Variants in OR51G2 observed in about 807,000 individuals in gnomAD.
OR51G2 encodes the protein olfactory receptor 51G2.
In OR51G2, 13 loss-of-function variants were observed where a neutral mutation model predicts 11.8. The ratio of observed to expected loss-of-function variants is 1.10; its 90% CI spans 0.72 to 1.76. The LOEUF (loss-of-function observed/expected upper bound fraction) is 1.76, where lower values mean the gene tolerates loss of function less well. OR51G2 is among the 40% of genes most tolerant of loss of function. The probability of loss-of-function intolerance (pLI) is 0.00; values close to 1 mark genes in which losing one functional copy is unlikely to be tolerated. For missense variants in OR51G2, 474 were observed against 394.4 expected, an observed-to-expected ratio of 1.20 and a Z score of -1.71; for synonymous variants, 178 against 151.9, an observed-to-expected ratio of 1.17 and a Z score of -1.26.
At position 4,914,157 on chromosome 11, in the gene OR51G2, G is replaced by T. The variant is rs1403695449; in HGVS notation, c.*562C>A. ...TCTGAGGATTCTCTACTCATTGGTG[G>T]TTAACACTGACTCAGCTAAGGTCTC... On this transcript the variant is annotated 3_prime_UTR_variant, in exon 2 of 2. Coordinates refer to ENST00000641926, the MANE Select transcript of OR51G2 (RefSeq NM_001005238.2). 1.3e-5 allele frequency: 2 copies of T among 152,414 alleles called. No homozygotes were observed. The highest frequency in any genetic ancestry group is 4.8e-5 in the African/African-American group (2 of 41,442). The allele number at this position is 152,414 out of a possible 1,614,324, so 9.4% of individuals were successfully genotyped here. A position where few individuals can be genotyped will look rare whatever the true frequency, so the allele number is the denominator to read the frequency against.
Position 4,914,790 on chromosome 11 carries a change from T to A in OR51G2, c.874A>T (p.Met292Leu), listed in dbSNP as rs1267510129. 2.5e-6 allele frequency: 4 copies of A among 1,613,774 alleles called. No individual in the cohort carries two copies. Among genetic ancestry groups the A allele is most frequent in the Non-Finnish European group, 2.5e-6 (3 of 1,179,976 alleles). ...GFMYLLFPPVMNPIVYSVKTK... is the reference protein window; with the variant it reads ...GFMYLLFPPVLNPIVYSVKTK... ...TTCACACTGTAGACAATGGGATTCATCACAGGAGGAAAGAGAAGATACATG... is the reference window on the plus strand; with the variant it reads ...TTCACACTGTAGACAATGGGATTCAACACAGGAGGAAAGAGAAGATACATG... Residue 292 changes from methionine (M) to leucine (L), a missense_variant, in exon 2 of 2, where the codon ATG (methionine) becomes TTG (leucine). Transcript: ENST00000641926.
In OR51G2 at chr11:4,919,189, G is replaced by A. The variant is rs1851144836; in HGVS notation, c.-89C>T. 6.6e-6 allele frequency: 1 copy of A among 152,224 alleles called. No homozygotes were observed. The highest frequency in any genetic ancestry group is 1.5e-5 in the Non-Finnish European group (1 of 68,082). 9.4% of individuals were successfully genotyped at this position (152,224 alleles called of 1,614,324 possible). On this transcript the variant is annotated 5_prime_UTR_variant, in exon 1 of 2. Coordinates refer to ENST00000641926, the MANE Select transcript of OR51G2 (RefSeq NM_001005238.2). ...CTGTAGCATTTACCATCCTTAGCAG[G>A]TGCTCTCTGCAGCCTTTTGGTAGAC... is the stretch of plus-strand genomic sequence containing the variant.
At position 4,915,588 on chromosome 11, in the gene OR51G2, C is replaced by G; in HGVS notation, c.76G>C (p.Glu26Gln). 6.2e-7 allele frequency: 1 copy of G among 1,614,068 alleles called. No homozygotes were observed. The highest frequency in any genetic ancestry group is 8.5e-7 in the Non-Finnish European group (1 of 1,180,008). Residue 26 changes from glutamate to glutamine, a missense_variant, in exon 2 of 2, where the codon GAG becomes CAG. By Grantham distance (29) the Glu-to-Gln change is conservative. Coordinates refer to ENST00000641926, the MANE Select transcript of OR51G2 (RefSeq NM_001005238.2). Reference protein sequence around the residue: ...TFLLSGIPGLERMHIWISIPL... With the variant: ...TFLLSGIPGLQRMHIWISIPL... ...ATGGAGATCCAGATGTGCATGCGCT[C>G]CAGCCCAGGGATGCCACTCAGCAGG...
At position 4,915,616 on chromosome 11, in the gene OR51G2, G is replaced by C. The variant is rs1439198402; in HGVS notation, c.48C>G (p.Thr16=). The C allele has an allele frequency of 3.1e-6, 5 of 1,613,848 alleles. No homozygotes were observed. The highest frequency in any genetic ancestry group is 2.7e-5 in the African/African-American group (2 of 74,926). Residue 16 remains threonine (T), a synonymous_variant, in exon 2 of 2, where the codon ACC becomes ACG. Transcript: ENST00000641926. ...LGNSSSSVSA[T]FLLSGIPGLE... Reference sequence around the variant, plus strand: ...GCCCAGGGATGCCACTCAGCAGGAAGGTAGCAGAAACGCTGCTGCTGCTGT... The same window carrying C: ...GCCCAGGGATGCCACTCAGCAGGAACGTAGCAGAAACGCTGCTGCTGCTGT...
chr11:4,914,896 G>T lies in OR51G2; in HGVS notation c.768C>A (p.Phe256Leu). The part of the protein sequence containing the change: ...CVSHICAVLL[F>L]YTPMIGLSVI... Reference sequence around the variant, plus strand: ...CAGAGAGGCCAATCATGGGAGTGTAGAAGAGCAGCACAGCACAGATGTGGG... The same window carrying T: ...CAGAGAGGCCAATCATGGGAGTGTATAAGAGCAGCACAGCACAGATGTGGG... Residue 256 changes from phenylalanine (F) to leucine (L), a missense_variant, in exon 2 of 2, where the codon TTC (phenylalanine) becomes TTA (leucine). Transcript: ENST00000641926. The T allele has an allele frequency of 6.2e-7, 1 of 1,614,128 alleles. No homozygotes were observed. Among genetic ancestry groups the T allele is most frequent in the South Asian group, 1.1e-5 (1 of 91,080 alleles).
Position 4,915,530 on chromosome 11 carries a change from G to A in OR51G2, c.134C>T (p.Pro45Leu), listed in dbSNP as rs1170596718. ...PLCFMYLVSI[P>L]GNCTILFIIK... Reference sequence around the variant, plus strand: ...GATAAAAAGAATTGTGCAGTTGCCCGGGATGGAAACCAGATACATGAAGCA... The same window carrying A: ...GATAAAAAGAATTGTGCAGTTGCCCAGGATGGAAACCAGATACATGAAGCA... Residue 45 changes from proline to leucine, a missense_variant, in exon 2 of 2, where the codon CCG becomes CTG. By Grantham distance (98) the Pro-to-Leu change is moderately conservative. Coordinates refer to ENST00000641926, the MANE Select transcript of OR51G2 (RefSeq NM_001005238.2). The A allele has an allele frequency of 8.1e-6, 13 of 1,613,960 alleles. No individual in the cohort carries two copies. Among genetic ancestry groups the A allele is most frequent in the South Asian group, 2.2e-5 (2 of 91,082 alleles).
At chr11:4,918,126 C>A (rs1353766424) in intron 1 of OR51G2, among the ~76,000 whole-genome samples, 3 of 151,910 alleles carry the variant, frequency 2.0e-5, no homozygotes, top group Non-Finnish European at 4.4e-5. Flanking sequence ...TCTCAATTTG[C>A]AAATGAGGAA....
chr11:4,918,763 A>T (rs1312960103), intron 1 of OR51G2, among the ~76,000 whole-genome samples: 7 of 152,180 alleles, frequency 4.6e-5, no homozygotes, highest in African/African-American at 7.2e-5. Context: ...GACTTGAGCA[A>T]GTTGAATGAC....
chr11:4,915,033 TAG>T lies in OR51G2; in HGVS notation c.629_630del (p.Ser210TyrfsTer28). On this transcript the variant is annotated frameshift_variant, in exon 2 of 2. Coordinates refer to ENST00000641926, the MANE Select transcript of OR51G2 (RefSeq NM_001005238.2). LOFTEE classifies it high-confidence loss of function. ...NSIYGMFVIV[S>X]TVGIDSLLIL... ...ATGAGCAGTGAGTCTATACCCACTG[TAG>T]AGACGATGACAAACATGCCGTAGAT... 1 of 1,613,936 alleles carries T rather than the reference TAG, an allele frequency of 6.2e-7. No individual in the cohort carries two copies. Among genetic ancestry groups the T allele is most frequent in the Non-Finnish European group, 8.5e-7 (1 of 1,179,994 alleles).
rs1046992476 is a variant in OR51G2 at position 4,914,337 on chromosome 11, AAG to A, written c.*380_*381del. 6.7e-3 allele frequency: 1,094 copies of A among 163,864 alleles called. No homozygotes were observed. The highest frequency in any genetic ancestry group is 0.018 in the South Asian group (105 of 5,980). 10.2% of individuals were successfully genotyped at this position (163,864 alleles called of 1,614,324 possible). A position where few individuals can be genotyped will look rare whatever the true frequency, so the allele number is the denominator to read the frequency against. ...AGAAACAGTGGTGGAATGGAGGTGG[AAG>A]AGAGAGAGAGAGAGAAGATACATGG... On this transcript the variant is annotated 3_prime_UTR_variant, in exon 2 of 2. Transcript: ENST00000641926.
At chr11:4,917,853 T>C (rs1194830688) in intron 1 of OR51G2, among the ~76,000 whole-genome samples, 1 of 152,068 alleles carries the variant, frequency 6.6e-6, no homozygotes, top group Non-Finnish European at 1.5e-5. Context: ...ATAATTACTA[T>C]TGTAAAAAAT....
rs899358988 is a variant in OR51G2, at chr11:4,912,888, A to G, written c.*1831T>C. 10 of 152,064 alleles carry G rather than the reference A, an allele frequency of 6.6e-5. No homozygotes were observed. The highest frequency in any genetic ancestry group is 4.6e-4 in the Admixed American group (7 of 15,254). The allele number at this position is 152,064 out of a possible 1,614,324, so 9.4% of individuals were successfully genotyped here. A position where few individuals can be genotyped will look rare whatever the true frequency, so the allele number is the denominator to read the frequency against. ...TACGTCTCACTTCTCTTACACAAAA[A>G]CCTCAGGACTATCATGTTGTCTAGC... On this transcript the variant is annotated 3_prime_UTR_variant, in exon 2 of 2. Transcript: ENST00000641926.
intron 1 of OR51G2, among the ~76,000 whole-genome samples, chr11:4,915,941 G>T (rs146729867): frequency 6.6e-6 from 1 of 152,084 alleles, no homozygotes; most frequent in East Asian, 1.9e-4. Context: ...TAAATGAGCC[G>T]CTCCACCCTT....
At chr11:4,916,083 C>T (rs1851086161) in intron 1 of OR51G2, among the ~76,000 whole-genome samples, 1 of 151,878 alleles carries the variant, frequency 6.6e-6, no homozygotes, top group Admixed American at 6.6e-5. Flanking sequence ...CTTTGGGAGG[C>T]CGAGGCGGGC....
Position 4,915,633 on chromosome 11 carries a change from T to A in OR51G2, c.31A>T (p.Ser11Cys). Residue 11 changes from serine to cysteine, a missense_variant, in exon 2 of 2, where the codon AGC becomes TGC. Ser to Cys is a moderately radical substitution (Grantham distance 112). Coordinates refer to ENST00000641926, the MANE Select transcript of OR51G2 (RefSeq NM_001005238.2). ...AGCAGGAAGGTAGCAGAAACGCTGC[T>A]GCTGCTGTTTCCCAGGGATCCCAGG... is the stretch of plus-strand genomic sequence containing the variant. Reference protein sequence around the residue: MTLGSLGNSSSSVSATFLLSG... With the variant: MTLGSLGNSSCSVSATFLLSG... 6.2e-7 allele frequency: 1 copy of A among 1,613,468 alleles called. No homozygotes were observed.
chr11:4,915,456 T>G lies in OR51G2; in HGVS notation c.208A>C (p.Met70Leu), dbSNP rs751654779. 17 of 1,613,982 alleles carry G rather than the reference T, an allele frequency of 1.1e-5. No individual in the cohort carries two copies. The highest frequency in any genetic ancestry group is 1.3e-5 in the Non-Finnish European group (15 of 1,180,022). ...LHEPMYLFLS[M>L]LALIDLGLSL... ...AGACCCAGGTCAATCAGAGCCAGCA[T>G]GGACAGGAAGAGATACATAGGTTCA... Residue 70 changes from methionine (M) to leucine (L), a missense_variant, in exon 2 of 2, where the codon ATG becomes CTG. Coordinates refer to ENST00000641926, the MANE Select transcript of OR51G2 (RefSeq NM_001005238.2).
chr11:4,912,894 G>A lies in OR51G2; in HGVS notation c.*1825C>T, dbSNP rs1275476604. 6.6e-6 allele frequency: 1 copy of A among 151,590 alleles called. No individual in the cohort carries two copies. Among genetic ancestry groups the A allele is most frequent in the African/African-American group, 2.4e-5 (1 of 41,200 alleles). The allele number at this position is 151,590 out of a possible 1,614,324, so 9.4% of individuals were successfully genotyped here. ...TCACTTCTCTTACACAAAAACCTCA[G>A]GACTATCATGTTGTCTAGCCTGGAA... On this transcript the variant is annotated 3_prime_UTR_variant, in exon 2 of 2. Coordinates refer to ENST00000641926, the MANE Select transcript of OR51G2 (RefSeq NM_001005238.2).
At position 4,915,657 on chromosome 11, in the gene OR51G2, G is replaced by T; in HGVS notation, c.7C>A (p.Leu3Met). 6.2e-7 allele frequency: 1 copy of T among 1,610,066 alleles called. No individual in the cohort carries two copies. The highest frequency in any genetic ancestry group is 1.1e-5 in the South Asian group (1 of 90,774). Residue 3 changes from leucine to methionine, a missense_variant, in exon 2 of 2, where the codon CTG becomes ATG. Transcript: ENST00000641926. MTLGSLGNSSSSV... is the reference protein window; with the variant it reads MTMGSLGNSSSSV... ...CTGCTGCTGTTTCCCAGGGATCCCA[G>T]GGTCATTGTGTGAGGAGACAAGGGG...
Position 4,914,526 on chromosome 11 carries a change from C to T in OR51G2, c.*193G>A. 3 of 508,926 alleles carry T rather than the reference C, an allele frequency of 5.9e-6. No homozygotes were observed. Among genetic ancestry groups the T allele is most frequent in the Non-Finnish European group, 1.0e-5 (3 of 288,644 alleles). The allele number at this position is 508,926 out of a possible 1,614,324, so 31.5% of individuals were successfully genotyped here. A position where few individuals can be genotyped will look rare whatever the true frequency, so the allele number is the denominator to read the frequency against. On this transcript the variant is annotated 3_prime_UTR_variant, in exon 2 of 2. Transcript: ENST00000641926. ...GCTATTTTTAGAAAATAAAATTTACCACATCATATTACATTTTACCCCCCC... is the reference window on the plus strand; with the variant it reads ...GCTATTTTTAGAAAATAAAATTTACTACATCATATTACATTTTACCCCCCC...
Sources: gnomAD v4.1 joint callset for allele counts (sites outside exome capture counted in the v4.1 genomes callset) on GRCh38, gnomAD v4.1.1 for gene constraint, MANE v1.5 for transcripts, NCBI Gene and HGNC (gene_info 2026-07-23, HGNC 2026-07-21) for gene names.